CSMD3: variants seen among roughly 807,000 people sequenced by gnomAD.
The protein encoded by CSMD3 is CUB and Sushi multiple domains 3.
In CSMD3, 177 loss-of-function variants were observed where a neutral mutation model predicts 435.2. The observed-to-expected ratio is 0.41, with a 90% CI of 0.36 to 0.46. CSMD3 has a LOEUF of 0.46. Ranked by LOEUF, CSMD3 falls within the 20% of genes least tolerant of loss-of-function variation. The pLI is 0.34. For synonymous variants in CSMD3, 1,656 were observed against 1,520.5 expected, an observed-to-expected ratio of 1.09 and a Z score of -2.07; for missense variants, 4,265 against 4,504.6, an observed-to-expected ratio of 0.95 and a Z score of 1.52.
chr8:113,062,515 G>T (rs2088659676), intron 5 of CSMD3, among the ~76,000 whole-genome samples: 1 of 151,826 alleles, frequency 6.6e-6, no homozygotes, highest in African/African-American at 2.4e-5. Flanking sequence ...AACTGAAATT[G>T]TTGGTTTCTA....
intron 59 of CSMD3, among the ~76,000 whole-genome samples, chr8:112,269,519 T>C (rs1817263965): frequency 6.6e-6 from 1 of 152,144 alleles, no homozygotes; most frequent in Non-Finnish European, 1.5e-5. Context: ...TAATTCTTAC[T>C]CTACTTGGCA....
At chr8:112,683,977 G>A (rs1323113648) in intron 15 of CSMD3, among the ~76,000 whole-genome samples, 1 of 151,442 alleles carries the variant, frequency 6.6e-6, no homozygotes, top group Non-Finnish European at 1.5e-5. Flanking sequence ...CTCTAATATA[G>A]AGTACCTGGT....
chr8:113,384,125 ATGT>A (rs1255813030), intron 1 of CSMD3, among the ~76,000 whole-genome samples: 1 of 152,152 alleles, frequency 6.6e-6, no homozygotes, highest in Non-Finnish European at 1.5e-5. Flanking sequence ...ACTTTAGCTC[ATGT>A]CCCCTCCTTA....
intron 3 of CSMD3, among the ~76,000 whole-genome samples, chr8:113,266,629 T>C (rs1333839358): frequency 2.6e-5 from 4 of 151,656 alleles, no homozygotes; most frequent in Admixed American, 2.6e-4. Flanking sequence ...ATGGCACATA[T>C]AAATAACTTA....
intron 13 of CSMD3, among the ~76,000 whole-genome samples, chr8:112,735,399 T>G (rs2069645613): frequency 6.6e-6 from 1 of 151,906 alleles, no homozygotes; most frequent in African/African-American, 2.4e-5. Flanking sequence ...TTCCTGATCT[T>G]ACTAATGATA....
At chr8:113,080,696 T>A (rs2089527648) in intron 5 of CSMD3, among the ~76,000 whole-genome samples, 1 of 152,194 alleles carries the variant, frequency 6.6e-6, no homozygotes, top group South Asian at 2.1e-4. Context: ...GTTCATGAAG[T>A]TTACAGAAGG....
At chr8:112,872,987 A>C (rs2130073906) in intron 10 of CSMD3, among the ~76,000 whole-genome samples, 1 of 151,944 alleles carries the variant, frequency 6.6e-6, no homozygotes, top group Non-Finnish European at 1.5e-5. Context: ...CCAGACAAAA[A>C]CCTCAGACAA....
At chr8:112,996,719 A>T (rs1242019602) in intron 6 of CSMD3, among the ~76,000 whole-genome samples, 1 of 151,652 alleles carries the variant, frequency 6.6e-6, no homozygotes, top group East Asian at 1.9e-4. Flanking sequence ...TGTGCATCCT[A>T]TATCTTAGCA....
intron 3 of CSMD3, among the ~76,000 whole-genome samples, chr8:113,247,815 T>A (rs1360721110): frequency 6.6e-6 from 1 of 152,108 alleles, no homozygotes; most frequent in Non-Finnish European, 1.5e-5. Context: ...CTTAATTAAA[T>A]CAATATTTAA....
chr8:112,268,644 T>C (rs1365000122), intron 59 of CSMD3, among the ~76,000 whole-genome samples: 2 of 152,182 alleles, frequency 1.3e-5, no homozygotes, highest in African/African-American at 2.4e-5. Context: ...CAAAGACCTA[T>C]GGACTGGTGT....
chr8:112,293,785 C>T (rs1300020704), intron 54 of CSMD3, among the ~76,000 whole-genome samples: 2 of 152,074 alleles, frequency 1.3e-5, no homozygotes, highest in Non-Finnish European at 1.5e-5. Context: ...TAATTGGGCA[C>T]AGGAAACGAC....
intron 13 of CSMD3, among the ~76,000 whole-genome samples, chr8:112,690,349 T>C (rs1260744903): frequency 1.3e-5 from 2 of 152,032 alleles, no homozygotes; most frequent in Non-Finnish European, 2.9e-5. Context: ...ATTTTCTCTC[T>C]GTACTACATA....
chr8:113,303,337 C>G (rs2093789543), intron 2 of CSMD3, among the ~76,000 whole-genome samples: 1 of 148,628 alleles, frequency 6.7e-6, no homozygotes, highest in African/African-American at 2.5e-5. Context: ...CCATACTACC[C>G]AAGGTAATTT....
intron 4 of CSMD3, among the ~76,000 whole-genome samples, chr8:113,154,034 C>T (rs887702655): frequency 6.6e-6 from 1 of 151,916 alleles, no homozygotes; most frequent in Non-Finnish European, 1.5e-5. Context: ...AAGTTTGGTG[C>T]ACATATTTAA....
chr8:113,326,745 TTTC>T (rs1456131353), intron 1 of CSMD3, among the ~76,000 whole-genome samples: 3 of 152,294 alleles, frequency 2.0e-5, no homozygotes, highest in Non-Finnish European at 1.5e-5. Flanking sequence ...CTGATTTTAT[TTTC>T]TTATTTTCAC....
chr8:113,025,729 T>C (rs1179878949), intron 5 of CSMD3, among the ~76,000 whole-genome samples: 1 of 152,016 alleles, frequency 6.6e-6, no homozygotes, highest in Admixed American at 6.6e-5. Context: ...ATGGGTGTGA[T>C]AGGTAAGCCA....
At chr8:113,366,133 G>A (rs1259860418) in intron 1 of CSMD3, among the ~76,000 whole-genome samples, 1 of 151,930 alleles carries the variant, frequency 6.6e-6, no homozygotes, top group East Asian at 1.9e-4. Context: ...CAGTATTTTA[G>A]GCAACATTAC....
In CSMD3 at chr8:112,714,905, T is replaced by A. The variant is rs537527827; in HGVS notation, c.1973-24855A>T. Among the ~76,000 whole-genome samples, 87 of 152,222 alleles carry A rather than the reference T, an allele frequency of 5.7e-4. No homozygotes were observed. In the South Asian group the frequency reaches 0.017, roughly 29 times the overall value. On this transcript the variant is annotated intron_variant, in intron 13 of 70. Coordinates refer to ENST00000297405, the MANE Select transcript of CSMD3 (RefSeq NM_198123.2). ...AATAAAGAGACAACATACCAGAATC[T>A]CTGGGACACAGCTAAAGCAGTGTTT...
rs1261573815 is a variant in CSMD3 at position 113,260,739 on chromosome 8, C to T, written c.514+17853G>A. ...CGCCATCTAGATTTTAAGCCCCACT[C>T]CATAGGCCCCAGTGTGTGATGTTCC... On this transcript the variant is annotated intron_variant, in intron 3 of 70. Transcript: ENST00000297405. Among the ~76,000 whole-genome samples the T allele has an allele frequency of 2.6e-5, 4 of 152,122 alleles. No individual in the cohort carries two copies. In the East Asian group the frequency reaches 7.7e-4, roughly 29 times the overall value.
Sources: allele counts gnomAD v4.1 joint callset (sites outside exome capture counted in the v4.1 genomes callset), GRCh38; gene constraint gnomAD v4.1.1; transcripts MANE v1.5; gene names NCBI Gene and HGNC (gene_info 2026-07-23, HGNC 2026-07-21).